FER1L5: variants seen among roughly 807,000 people sequenced by gnomAD.
FER1L5 encodes fer-1-like protein 5.
Under a neutral mutation model 279.9 loss-of-function variants are expected in FER1L5, and 187 were observed. The observed-to-expected ratio is 0.67, with a 90% CI of 0.59 to 0.75. The LOEUF is 0.75. Ranked by LOEUF, FER1L5 falls within the 30% of genes least tolerant of loss-of-function variation. The pLI is 0.00. For synonymous variants in FER1L5, 921 were observed against 989.7 expected (o/e 0.93, Z 1.30); for missense variants, 2,091 against 2,594.4 (o/e 0.81, Z 4.21).
In FER1L5 at chr2:96,694,590, G is replaced by A. The variant is rs1430280720; in HGVS notation, c.3741+126G>A. 2.9e-5 allele frequency: 19 copies of A among 651,254 alleles called. No homozygotes were observed. Among genetic ancestry groups the A allele is most frequent in the Non-Finnish European group, 4.6e-5 (19 of 413,514 alleles). The allele number at this position is 651,254 out of a possible 1,614,324, so 40.3% of individuals were successfully genotyped here. On this transcript the variant is annotated intron_variant, in intron 34 of 52. Transcript: ENST00000624922. The surrounding 1 kb of genome is among the most constrained non-coding windows in gnomAD (Gnocchi z 4.6). Reference sequence around the variant, plus strand: ...GCTCACACCCCGAAAAAGACTACCTGGGAGGTGGAGGGAGACAGGAGAGAA... The same window carrying A: ...GCTCACACCCCGAAAAAGACTACCTAGGAGGTGGAGGGAGACAGGAGAGAA...
rs535437670 is a variant in FER1L5, at chr2:96,672,223, C to A, written c.1492-854C>A. Among the ~76,000 whole-genome samples, 4 of 152,216 alleles carry A rather than the reference C, an allele frequency of 2.6e-5. No homozygotes were observed. The East Asian group carries it at 7.7e-4, about 29-fold the overall frequency. ...CCTCCTGAGTATCTGGGATTATAGG[C>A]ATCCACCACCACGCCCGGCTAATTT... On this transcript the variant is annotated intron_variant, in intron 18 of 52. Coordinates refer to ENST00000624922, the MANE Select transcript of FER1L5 (RefSeq NM_001293083.2).
rs1350181328 is a variant in FER1L5, at chr2:96,654,468, G to A, written c.719G>A (p.Arg240Lys). ...CAGGTGGTGAACTCCTCAGCAATGA[G>A]ATACAAAGCAGAGATCGGGAGATTT... Reference protein sequence around the residue: ...LIQVVNSSAMRYKAEIGRFQT... With the variant: ...LIQVVNSSAMKYKAEIGRFQT... Residue 240 changes from arginine (R) to lysine (K), a missense_variant, in exon 9 of 53, where the codon AGA becomes AAA. Physicochemically the swap from Arg to Lys is conservative, Grantham distance 26. Transcript: ENST00000624922. 7.5e-6 allele frequency: 3 copies of A among 398,968 alleles called. No individual in the cohort carries two copies. The highest frequency in any genetic ancestry group is 8.8e-6 in the Non-Finnish European group (2 of 226,092). The allele number at this position is 398,968 out of a possible 1,614,324, so 24.7% of individuals were successfully genotyped here. A position where few individuals can be genotyped will look rare whatever the true frequency, so the allele number is the denominator to read the frequency against.
chr2:96,674,827 A>T (rs778488538), intron 19 of FER1L5, among the ~76,000 whole-genome samples: 6 of 152,122 alleles, frequency 3.9e-5, no homozygotes, highest in Non-Finnish European at 5.9e-5. Context: ...AACTAAAAAA[A>T]AATAATAAAA....
chr2:96,686,220 T>C lies in FER1L5; in HGVS notation c.2099T>C (p.Met700Thr), dbSNP rs992118393. 5.8e-6 allele frequency: 9 copies of C among 1,551,274 alleles called. No individual in the cohort carries two copies. Among genetic ancestry groups the C allele is most frequent in the Non-Finnish European group, 7.0e-6 (8 of 1,146,724 alleles). The part of the protein sequence containing the change: ...PEPQMGLPDV[M>T]IWLVAKEQRV... ...CCCCAGATGGGCCTCCCTGACGTGA[T>C]GATTTGGCTGGTGGCCAAGGAGCAG... is the stretch of plus-strand genomic sequence containing the variant. Residue 700 changes from methionine (M) to threonine (T), a missense_variant, in exon 23 of 53, where the codon ATG becomes ACG. Coordinates refer to ENST00000624922, the MANE Select transcript of FER1L5 (RefSeq NM_001293083.2).
chr2:96,684,266 G>A, intron 19 of FER1L5, 61 bp from the exon 20 acceptor site: 1 of 1,528,822 alleles, frequency 6.5e-7, no homozygotes, highest in East Asian at 2.5e-5. Context: ...GGAGCACAGT[G>A]AGAAGAGACC....
At chr2:96,669,972 T>C (rs1481299188) in intron 17 of FER1L5, 147 bp from the exon 18 acceptor site, 1 of 1,128,992 alleles carries the variant, frequency 8.9e-7, no homozygotes, top group East Asian at 2.7e-5. Context: ...TGGAGGTTTC[T>C]GGAATTCTTC....
rs1229110380 is a variant in FER1L5 at position 96,699,040 on chromosome 2, C to A, written c.4519-5C>A. The A allele has an allele frequency of 1.9e-6, 3 of 1,606,404 alleles. No individual in the cohort carries two copies. Among genetic ancestry groups the A allele is most frequent in the East Asian group, 2.2e-5 (1 of 44,648 alleles). ...TATCCTTCCCCCACTTGTATCTGAC[C>A]CCAGTGTGACCCTTATGTGATCCTG... On this transcript the variant is annotated splice_polypyrimidine_tract_variant and splice_region_variant and intron_variant, in intron 41 of 52. Coordinates refer to ENST00000624922, the MANE Select transcript of FER1L5 (RefSeq NM_001293083.2).
Position 96,687,805 on chromosome 2 carries a change from C to G in FER1L5, c.2230-11C>G, listed in dbSNP as rs1178107862. The G allele has an allele frequency of 2.5e-5, 39 of 1,550,904 alleles. No homozygotes were observed. The highest frequency in any genetic ancestry group is 3.2e-5 in the Non-Finnish European group (37 of 1,146,916). On this transcript the variant is annotated splice_polypyrimidine_tract_variant and intron_variant, in intron 23 of 52. Coordinates refer to ENST00000624922, the MANE Select transcript of FER1L5 (RefSeq NM_001293083.2). ...TAGTGCCCCTGTGGGACCGATCGGCCTCTGGCTCAGTACCCAGAGGGTGAA... is the reference window on the plus strand; with the variant it reads ...TAGTGCCCCTGTGGGACCGATCGGCGTCTGGCTCAGTACCCAGAGGGTGAA...
At chr2:96,680,663 A>G (rs2076686229) in intron 19 of FER1L5, among the ~76,000 whole-genome samples, 1 of 152,086 alleles carries the variant, frequency 6.6e-6, no homozygotes, top group Admixed American at 6.6e-5. Flanking sequence ...GTTTTGCCCC[A>G]CTGTTTTTTA....
chr2:96,645,551 GC>G (rs1209650067), intron 1 of FER1L5, among the ~76,000 whole-genome samples: 1 of 152,202 alleles, frequency 6.6e-6, no homozygotes, highest in African/African-American at 2.4e-5. Context: ...AATTTGGGAG[GC>G]CGAGGCAGGC....
chr2:96,679,228 G>GTTT lies in FER1L5; in HGVS notation c.1670-5087_1670-5085dup, dbSNP rs764195563. ...CTGGGCATGGCGACACACACCTATA[G>GTTT]TTTTTTTTTTTTTTGAGATGGCGTC... is the stretch of plus-strand genomic sequence containing the variant. On this transcript the variant is annotated intron_variant, in intron 19 of 52. Transcript: ENST00000624922. Among the ~76,000 whole-genome samples, 1,023 of 143,588 alleles carry GTTT rather than the reference G, an allele frequency of 7.1e-3. 17 individuals are homozygous for GTTT. The highest frequency in any genetic ancestry group is 0.024 in the African/African-American group (957 of 39,420). 94.2% of individuals were successfully genotyped at this position (143,588 alleles called of 152,430 possible). A position where few individuals can be genotyped will look rare whatever the true frequency, so the allele number is the denominator to read the frequency against.
intron 1 of FER1L5, among the ~76,000 whole-genome samples, chr2:96,645,870 G>T (rs2075100562): frequency 6.6e-6 from 1 of 152,004 alleles, no homozygotes; most frequent in Non-Finnish European, 1.5e-5. Context: ...AGCATTATCT[G>T]TCACACAGTG....
chr2:96,670,065 G>A (rs2076267360), intron 17 of FER1L5, 54 bp from the exon 18 acceptor site: 2 of 1,548,282 alleles, frequency 1.3e-6, no homozygotes, highest in Admixed American at 3.9e-5. Flanking sequence ...AAAGGAGATT[G>A]GCCTGTTCTT....
chr2:96,650,103 A>T, intron 5 of FER1L5, 77 bp from the exon 6 acceptor site: 1 of 1,141,716 alleles, frequency 8.8e-7, no homozygotes, highest in Non-Finnish European at 1.3e-6. Flanking sequence ...CTGGGGACAG[A>T]ATGATGGAAT....
In FER1L5 at chr2:96,647,158, G is replaced by T; in HGVS notation, c.230+3G>T. On this transcript the variant is annotated splice_donor_region_variant and intron_variant, in intron 3 of 52. Coordinates refer to ENST00000624922, the MANE Select transcript of FER1L5 (RefSeq NM_001293083.2). ...ATGGGCTCACAAAAGAAAGAAAGGTGAGGCAGAGAGAGGCAGGAGGAGCCT... is the reference window on the plus strand; with the variant it reads ...ATGGGCTCACAAAAGAAAGAAAGGTTAGGCAGAGAGAGGCAGGAGGAGCCT... 6.4e-7 allele frequency: 1 copy of T among 1,551,510 alleles called. No individual in the cohort carries two copies. The highest frequency in any genetic ancestry group is 8.7e-7 in the Non-Finnish European group (1 of 1,146,900).
chr2:96,681,007 A>G (rs557056481), intron 19 of FER1L5, among the ~76,000 whole-genome samples: 2 of 152,356 alleles, frequency 1.3e-5, no homozygotes, highest in East Asian at 3.9e-4. Context: ...TGCAGGCGTG[A>G]GCCGCCGTTG....
intron 9 of FER1L5, among the ~76,000 whole-genome samples, chr2:96,657,015 A>G (rs915485109): frequency 6.6e-6 from 1 of 151,170 alleles, no homozygotes; most frequent in African/African-American, 2.4e-5. Flanking sequence ...CTGTTGCTTC[A>G]TTGGGAGTGA....
intron 14 of FER1L5, among the ~76,000 whole-genome samples, chr2:96,667,742 G>A (rs2076176828): frequency 6.6e-6 from 1 of 152,242 alleles, no homozygotes; most frequent in Non-Finnish European, 1.5e-5. Context: ...CTCTCCATGA[G>A]ATGGTTTGGT....
intron 9 of FER1L5, among the ~76,000 whole-genome samples, chr2:96,655,926 A>T (rs554020142): frequency 6.6e-6 from 1 of 152,252 alleles, no homozygotes; most frequent in South Asian, 2.1e-4. Context: ...TACCCAGGCT[A>T]GTCTAGAACT....
Sources: gnomAD v4.1 joint callset for allele counts (sites outside exome capture counted in the v4.1 genomes callset) on GRCh38, gnomAD v4.1.1 for gene constraint, Gnocchi (gnomAD v3.1) non-coding constraint, MANE v1.5 for transcripts, NCBI Gene and HGNC (gene_info 2026-07-23, HGNC 2026-07-21) for gene names.